Variants in ARID3B observed in about 807,000 individuals in gnomAD.
The protein encoded by ARID3B is AT-rich interaction domain 3B, also known as AT-rich interactive domain-containing protein 3B.
In ARID3B, 10 loss-of-function variants were observed where a neutral mutation model predicts 51.9. The ratio of observed to expected loss-of-function variants is 0.19; its 90% CI spans 0.12 to 0.33. The LOEUF (loss-of-function observed/expected upper bound fraction) is 0.33, where lower values mean the gene tolerates loss of function less well. Ranked by LOEUF, ARID3B falls within the 10% of genes least tolerant of loss-of-function variation. ARID3B has a pLI of 1.00. For synonymous variants in ARID3B, 205 were observed against 279.5 expected (o/e 0.73, Z 2.66); for missense variants, 483 against 716.3 (o/e 0.67, Z 3.72).
intron 2 of ARID3B, among the ~76,000 whole-genome samples, chr15:74,562,149 CT>C (rs201556127): frequency 2.0e-5 from 3 of 148,442 alleles, no homozygotes; most frequent in African/African-American, 7.4e-5. Context: ...CTTTTCTTTT[CT>C]TTTTTTTGTG....
At position 74,585,696 on chromosome 15, in the gene ARID3B, G is replaced by C. The variant is rs140377073; in HGVS notation, c.698-4124G>C. On this transcript the variant is annotated intron_variant, in intron 4 of 8. Coordinates refer to ENST00000346246, the MANE Select transcript of ARID3B (RefSeq NM_006465.4). Reference sequence around the variant, plus strand: ...GCGGAAACTGAGGCCTGAGTCTGTCGATTGCCTATTGGTTCTTGTTCAGCA... The same window carrying C: ...GCGGAAACTGAGGCCTGAGTCTGTCCATTGCCTATTGGTTCTTGTTCAGCA... Among the ~76,000 whole-genome samples the C allele has an allele frequency of 3.4e-4, 52 of 152,294 alleles. 2 individuals carry two copies. In the East Asian group the frequency reaches 5.2e-3, roughly 15 times the overall value.
intron 7 of ARID3B, among the ~76,000 whole-genome samples, chr15:74,592,813 G>A (rs1483430333): frequency 6.6e-6 from 1 of 152,242 alleles, no homozygotes; most frequent in African/African-American, 2.4e-5. Context: ...TGGGCCTGGT[G>A]TATAGTGTAG....
intron 2 of ARID3B, among the ~76,000 whole-genome samples, chr15:74,556,996 C>T (rs1216386986): frequency 2.0e-5 from 3 of 151,720 alleles, no homozygotes; most frequent in African/African-American, 4.8e-5. Context: ...AGGCTGGTCT[C>T]GAACTCCTGA....
chr15:74,595,611 G>T lies in ARID3B; in HGVS notation c.1520G>T (p.Gly507Val). Residue 507 changes from glycine to valine, a missense_variant and splice_region_variant, in exon 9 of 9, where the codon GGT becomes GTT. Transcript: ENST00000346246. ...ACTTGCTTCTCTTCCACCCACCAAG[G>T]TGTGCTGTTTGCCCAGAAGCCTGTG... ...SVDIDGTTYA[G>V]VLFAQKPVVH... The T allele has an allele frequency of 6.2e-7, 1 of 1,612,430 alleles. No homozygotes were observed. Among genetic ancestry groups the T allele is most frequent in the Non-Finnish European group, 8.5e-7 (1 of 1,178,952 alleles).
At chr15:74,567,808 C>T (rs1018552797) in intron 2 of ARID3B, among the ~76,000 whole-genome samples, 2 of 152,240 alleles carry the variant, frequency 1.3e-5, no homozygotes, top group African/African-American at 4.8e-5. Context: ...TTTCTCTTCA[C>T]TCACTACCTT....
chr15:74,583,908 G>A (rs1157580050), intron 4 of ARID3B, among the ~76,000 whole-genome samples: 2 of 152,312 alleles, frequency 1.3e-5, no homozygotes, highest in Admixed American at 6.5e-5. Flanking sequence ...ATTGGCACAT[G>A]CTTGCCTCTG....
chr15:74,582,379 G>A (rs1194692671), intron 4 of ARID3B, among the ~76,000 whole-genome samples: 9 of 152,120 alleles, frequency 5.9e-5, no homozygotes, highest in Admixed American at 4.6e-4. Flanking sequence ...TGCTGGACAG[G>A]CTGGTCTCAA....
intron 2 of ARID3B, among the ~76,000 whole-genome samples, chr15:74,564,056 C>T (rs1299036746): frequency 1.3e-5 from 2 of 152,186 alleles, no homozygotes; most frequent in African/African-American, 4.8e-5. Context: ...TGGGAAGGCT[C>T]TTTCTGGTTC....
chr15:74,549,932 C>A (rs910816224), intron 2 of ARID3B, among the ~76,000 whole-genome samples: 2 of 152,240 alleles, frequency 1.3e-5, no homozygotes, highest in Non-Finnish European at 2.9e-5. Flanking sequence ...AAAGAGTTAT[C>A]TGGTCCAAAA....
At chr15:74,570,045 G>A (rs189814502) in intron 2 of ARID3B, among the ~76,000 whole-genome samples, 21 of 152,138 alleles carry the variant, frequency 1.4e-4, no homozygotes, top group African/African-American at 3.4e-4. Context: ...CAAAGAGTTC[G>A]GTGTCTCATT....
intron 4 of ARID3B, among the ~76,000 whole-genome samples, chr15:74,576,937 G>A (rs897169607): frequency 6.6e-6 from 1 of 152,208 alleles, no homozygotes; most frequent in Admixed American, 6.5e-5. Flanking sequence ...GGCCATCCTG[G>A]ATGGGTCAGC....
chr15:74,561,928 A>G (rs1033226239), intron 2 of ARID3B, among the ~76,000 whole-genome samples: 1 of 151,818 alleles, frequency 6.6e-6, no homozygotes, highest in Admixed American at 6.6e-5. Flanking sequence ...ATTATAAAAT[A>G]GGCTTTGTAT....
intron 2 of ARID3B, among the ~76,000 whole-genome samples, chr15:74,558,954 A>G (rs12593898): frequency 0.043 from 6,485 of 152,254 alleles, 156 homozygotes; most frequent in Middle Eastern, 0.13. Context: ...GAGCCCCTCA[A>G]TATGAGTCCC....
intron 4 of ARID3B, among the ~76,000 whole-genome samples, chr15:74,587,539 C>T (rs771141950): frequency 6.6e-6 from 1 of 152,182 alleles, no homozygotes; most frequent in African/African-American, 2.4e-5. Flanking sequence ...AAACGGGTCA[C>T]ACGTGTGAAG....
At chr15:74,579,872 T>TGTGTGTGTGTGTGC (rs1488209764) in intron 4 of ARID3B, among the ~76,000 whole-genome samples, 35 of 118,928 alleles carry the variant, frequency 2.9e-4, no homozygotes, top group Non-Finnish European at 5.1e-4. Flanking sequence ...TGTGTGTGTG[T>TGTGTGTGTGTGTGC]GCGCGCGCGC....
chr15:74,555,426 C>A (rs967041589), intron 2 of ARID3B, among the ~76,000 whole-genome samples: 5 of 151,990 alleles, frequency 3.3e-5, no homozygotes, highest in African/African-American at 1.2e-4. Context: ...ACCTGTTGGG[C>A]TCATGTGATT....
intron 2 of ARID3B, among the ~76,000 whole-genome samples, chr15:74,568,206 A>G (rs1020507828): frequency 3.3e-5 from 5 of 152,234 alleles, no homozygotes; most frequent in Admixed American, 6.5e-5. Context: ...AGGTGAAGCC[A>G]TGAGATAAAG....
intron 4 of ARID3B, 135 bp from the exon 5 acceptor site, chr15:74,589,685 G>A: frequency 1.1e-6 from 1 of 920,650 alleles, no homozygotes; most frequent in East Asian, 2.6e-5. Flanking sequence ...TTCAGGCTTG[G>A]GGAGTTTGAG....
At position 74,541,238 on chromosome 15, in the gene ARID3B, C is replaced by A. The variant is rs983290606; in HGVS notation, c.-170C>A. The A allele has an allele frequency of 9.3e-5, 14 of 151,182 alleles. No individual in the cohort carries two copies. The highest frequency in any genetic ancestry group is 3.4e-4 in the African/African-American group (14 of 41,214). 9.4% of individuals were successfully genotyped at this position (151,182 alleles called of 1,614,324 possible). On this transcript the variant is annotated 5_prime_UTR_variant, in exon 1 of 9. Transcript: ENST00000346246. Reference sequence around the variant, plus strand: ...TGCGGGCCCCGCCCCGGCTGTGGCCCCCGGCTGCGGAGGAGTCCGAGACGC... The same window carrying A: ...TGCGGGCCCCGCCCCGGCTGTGGCCACCGGCTGCGGAGGAGTCCGAGACGC...
Sources: allele counts gnomAD v4.1 joint callset (sites outside exome capture counted in the v4.1 genomes callset), GRCh38; gene constraint gnomAD v4.1.1; transcripts MANE v1.5; gene names NCBI Gene and HGNC (gene_info 2026-07-23, HGNC 2026-07-21).